RYR3: variants seen among roughly 807,000 people sequenced by gnomAD.
RYR3 encodes the protein brain ryanodine receptor-calcium release channel.
Under a neutral mutation model 584.3 loss-of-function variants are expected in RYR3, and 207 were observed. The ratio of observed to expected loss-of-function variants is 0.35; its 90% CI spans 0.32 to 0.40. RYR3 has a LOEUF of 0.40. Ranked by LOEUF, RYR3 falls within the 10% of genes least tolerant of loss-of-function variation. The pLI is 1.00. For synonymous variants in RYR3, 2,416 were observed against 2,248.5 expected (o/e 1.07, Z -2.11); for missense variants, 5,616 against 6,089.2 (o/e 0.92, Z 2.59).
intron 2 of RYR3, among the ~76,000 whole-genome samples, chr15:33,487,138 C>T (rs1240036324): frequency 1.3e-5 from 2 of 151,284 alleles, no homozygotes; most frequent in Admixed American, 6.6e-5. Context: ...GCGGAGGTTG[C>T]AGTGAGCTGA....
chr15:33,702,939 G>A lies in RYR3; in HGVS notation c.6483+1859G>A, dbSNP rs553935475. Reference sequence around the variant, plus strand: ...CGTGTCGCATAGTGAACGTGGGGTGGCTCAAAGAAGACAGGGTGAGGAAAG... The same window carrying A: ...CGTGTCGCATAGTGAACGTGGGGTGACTCAAAGAAGACAGGGTGAGGAAAG... On this transcript the variant is annotated intron_variant, in intron 42 of 103. Coordinates refer to ENST00000634891, the MANE Select transcript of RYR3 (RefSeq NM_001036.6). Among the ~76,000 whole-genome samples the A allele has an allele frequency of 1.6e-4, 25 of 152,156 alleles. No homozygotes were observed. In the East Asian group the frequency reaches 3.9e-3, roughly 24 times the overall value.
chr15:33,352,417 C>T (rs1973405183), intron 1 of RYR3, among the ~76,000 whole-genome samples: 1 of 152,048 alleles, frequency 6.6e-6, no homozygotes, highest in African/African-American at 2.4e-5. Context: ...TATTTTGATA[C>T]AGTCAGTGCT....
chr15:33,690,943 T>C (rs1400086045), intron 38 of RYR3, among the ~76,000 whole-genome samples: 1 of 152,242 alleles, frequency 6.6e-6, no homozygotes, highest in Non-Finnish European at 1.5e-5. Flanking sequence ...TTTCTTTGCA[T>C]GATTATAAAT....
chr15:33,617,063 A>C (rs777073111), intron 19 of RYR3, among the ~76,000 whole-genome samples: 52 of 152,348 alleles, frequency 3.4e-4, no homozygotes, highest in Admixed American at 5.9e-4. Context: ...AGTTGAACAA[A>C]GAGCTAGAAA....
chr15:33,392,094 G>A (rs2042032146), intron 1 of RYR3, among the ~76,000 whole-genome samples: 1 of 151,148 alleles, frequency 6.6e-6, no homozygotes, highest in Admixed American at 6.6e-5. Context: ...CTTGATGTCC[G>A]TTTCCCCCAT....
intron 1 of RYR3, among the ~76,000 whole-genome samples, chr15:33,338,555 G>T (rs943681248): frequency 2.0e-5 from 3 of 152,138 alleles, no homozygotes; most frequent in African/African-American, 7.2e-5. Flanking sequence ...CATTGCCGTG[G>T]TGAAATTTTA....
intron 43 of RYR3, among the ~76,000 whole-genome samples, chr15:33,710,975 G>T (rs926880310): frequency 6.6e-6 from 1 of 152,194 alleles, no homozygotes; most frequent in Non-Finnish European, 1.5e-5. Context: ...TGCCTTTGAG[G>T]CCTTTTCCTC....
intron 63 of RYR3, among the ~76,000 whole-genome samples, chr15:33,772,450 T>C (rs1160240686): frequency 6.6e-6 from 1 of 152,200 alleles, no homozygotes; most frequent in East Asian, 1.9e-4. Context: ...CTCGCTTAAT[T>C]TCAAAGGTTA....
chr15:33,557,470 C>T (rs2057141694), intron 10 of RYR3, among the ~76,000 whole-genome samples: 1 of 152,074 alleles, frequency 6.6e-6, no homozygotes, highest in Non-Finnish European at 1.5e-5. Flanking sequence ...CTGCAACCTC[C>T]GACTCCCTGG....
chr15:33,728,316 AT>A, intron 46 of RYR3, among the ~76,000 whole-genome samples: 1 of 152,370 alleles, frequency 6.6e-6, no homozygotes, highest in Middle Eastern at 3.4e-3. Context: ...AATACAATTG[AT>A]GCAAAAAACC....
At chr15:33,797,308 G>C (rs142876126) in intron 67 of RYR3, among the ~76,000 whole-genome samples, 1 of 152,066 alleles carries the variant, frequency 6.6e-6, no homozygotes, top group Non-Finnish European at 1.5e-5. Context: ...GATCAGCTAG[G>C]TATCTACAAG....
intron 51 of RYR3, 109 bp downstream of exon 51, chr15:33,740,104 C>A: frequency 1.2e-6 from 1 of 867,792 alleles, no homozygotes; most frequent in Non-Finnish European, 1.8e-6. Context: ...CTCCTGCCAA[C>A]ACTGTTCATC....
Position 33,579,363 on chromosome 15 carries a change from G to A in RYR3, c.1269-613G>A, listed in dbSNP as rs74337966. ...GAGATCTCAGAAGACACATAGAGAC[G>A]TGGAGGGGGGTGCAAGAGGAGAGAC... On this transcript the variant is annotated intron_variant, in intron 12 of 103. Transcript: ENST00000634891. Among the ~76,000 whole-genome samples the A allele has an allele frequency of 5.6e-3, 858 of 152,214 alleles. 9 individuals carry two copies. Among genetic ancestry groups the A allele is most frequent in the Middle Eastern group, 0.027 (8 of 294 alleles).
At chr15:33,495,459 G>T (rs1231419368) in intron 2 of RYR3, among the ~76,000 whole-genome samples, 1 of 152,156 alleles carries the variant, frequency 6.6e-6, no homozygotes, top group Non-Finnish European at 1.5e-5. Flanking sequence ...GGCTTAAAAT[G>T]TCTTCTCTAA....
At chr15:33,815,763 G>C (rs530033591) in intron 74 of RYR3, 3 of 397,442 alleles carry the variant, frequency 7.5e-6, no homozygotes, top group African/African-American at 6.2e-5. Context: ...AGGGCTAAAG[G>C]GATTTGTTTT....
intron 16 of RYR3, among the ~76,000 whole-genome samples, chr15:33,600,458 G>A (rs553269546): frequency 7.2e-4 from 110 of 152,144 alleles, no homozygotes; most frequent in Admixed American, 5.3e-3. Flanking sequence ...GGCACAGTTC[G>A]CTTTGCCATG....
intron 1 of RYR3, among the ~76,000 whole-genome samples, chr15:33,323,251 A>G (rs951050728): frequency 6.6e-6 from 1 of 152,026 alleles, no homozygotes; most frequent in East Asian, 1.9e-4. Flanking sequence ...AGCTGGGACT[A>G]CAGGCACCCG....
chr15:33,571,927 A>G (rs1325920369), intron 12 of RYR3, among the ~76,000 whole-genome samples: 1 of 152,060 alleles, frequency 6.6e-6, no homozygotes, highest in Non-Finnish European at 1.5e-5. Context: ...CTAGTGTAAC[A>G]TTTTAATTAA....
At chr15:33,534,038 A>G (rs149938809) in intron 5 of RYR3, among the ~76,000 whole-genome samples, 1 of 152,376 alleles carries the variant, frequency 6.6e-6, no homozygotes, top group African/African-American at 2.4e-5. Flanking sequence ...GACAAATATT[A>G]TAACATGTTA....
Sources: gnomAD v4.1 joint callset for allele counts (sites outside exome capture counted in the v4.1 genomes callset) on GRCh38, gnomAD v4.1.1 for gene constraint, MANE v1.5 for transcripts, NCBI Gene and HGNC (gene_info 2026-07-23, HGNC 2026-07-21) for gene names.